The following FARP1 variants were observed in gnomAD, a reference collection of about 807,000 sequenced individuals.
FARP1 encodes the protein FERM, ARH/RhoGEF and pleckstrin domain protein 1.
In FARP1, 52 loss-of-function variants were observed where a neutral mutation model predicts 128.8. The observed-to-expected ratio is 0.40, with a 90% CI of 0.32 to 0.51. FARP1 has a LOEUF of 0.51. FARP1 is among the 20% of genes least tolerant of loss of function. FARP1 has a pLI of 0.45. For synonymous variants in FARP1, 580 were observed against 551.8 expected (o/e 1.05, Z -0.72); for missense variants, 1,333 against 1,367.9 (o/e 0.97, Z 0.40).
rs1377894373 is a variant in FARP1 at position 98,419,460 on chromosome 13, G to A, written c.1827-5112G>A. Among the ~76,000 whole-genome samples the A allele has an allele frequency of 6.8e-5, 10 of 146,270 alleles. No individual in the cohort carries two copies. In the East Asian group the frequency reaches 1.5e-3, roughly 21 times the overall value. ...CTGCACTCCAGCCTGGGTGACAGAC[G>A]AGACTCTGTCTCCAAAAAAAAATAC... On this transcript the variant is annotated intron_variant, in intron 16 of 26. Coordinates refer to ENST00000319562, the MANE Select transcript of FARP1 (RefSeq NM_005766.4).
At chr13:98,181,053 CTTT>C (rs113512344) in intron 1 of FARP1, among the ~76,000 whole-genome samples, 1 of 145,818 alleles carries the variant, frequency 6.9e-6, no homozygotes, top group African/African-American at 2.5e-5. Context: ...ATTTTTAAGT[CTTT>C]TTTTTTTTAA....
At chr13:98,286,524 T>G (rs142609302) in intron 2 of FARP1, among the ~76,000 whole-genome samples, 133 of 152,312 alleles carry the variant, frequency 8.7e-4, no homozygotes, top group African/African-American at 3.1e-3. Context: ...CTTCTCTCTC[T>G]TCTCTTGTCT....
intron 3 of FARP1, among the ~76,000 whole-genome samples, chr13:98,358,555 T>C (rs1343784300): frequency 5.9e-5 from 9 of 152,176 alleles, no homozygotes; most frequent in Non-Finnish European, 1.0e-4. Flanking sequence ...TATAACCAAA[T>C]GTAAAATTAA....
chr13:98,168,628 C>T (rs1473374187), intron 1 of FARP1, among the ~76,000 whole-genome samples: 1 of 152,230 alleles, frequency 6.6e-6, no homozygotes, highest in Non-Finnish European at 1.5e-5. Context: ...GGGATCTCCC[C>T]ATGACCCTGA....
chr13:98,370,303 G>A (rs997139972), intron 5 of FARP1, among the ~76,000 whole-genome samples: 3 of 152,170 alleles, frequency 2.0e-5, no homozygotes, highest in African/African-American at 7.2e-5. Flanking sequence ...TGGGAGCGTC[G>A]TGGTGAGGTG....
intron 13 of FARP1, chr13:98,399,062 G>A (rs1023376318): frequency 5.9e-5 from 9 of 152,178 alleles, no homozygotes; most frequent in Non-Finnish European, 1.5e-5. Context: ...GTTGCTCATA[G>A]AGTTTTTCCC....
chr13:98,453,776 CTG>C lies in FARP1; in HGVS notation c.*5460_*5461del. 6.6e-6 allele frequency: 1 copy of C among 152,082 alleles called. No homozygotes were observed. The highest frequency in any genetic ancestry group is 1.5e-5 in the Non-Finnish European group (1 of 68,076). 9.4% of individuals were successfully genotyped at this position (152,082 alleles called of 1,614,324 possible). ...GAATCAGTTAAGTAAATTATACAAA[CTG>C]AAATAACAGACTAAAAATGGTAATT... On this transcript the variant is annotated 3_prime_UTR_variant, in exon 27 of 27. Transcript: ENST00000319562.
chr13:98,159,229 A>G (rs1876700394), intron 1 of FARP1, among the ~76,000 whole-genome samples: 1 of 152,074 alleles, frequency 6.6e-6, no homozygotes, highest in Admixed American at 6.6e-5. Flanking sequence ...TGTTGCATAG[A>G]TTTTTACTTG....
chr13:98,299,006 T>A (rs1885814750), intron 2 of FARP1, among the ~76,000 whole-genome samples: 1 of 152,214 alleles, frequency 6.6e-6, no homozygotes, highest in South Asian at 2.1e-4. Flanking sequence ...AGATGCTATC[T>A]GGCGGGAGGG....
chr13:98,431,425 G>A (rs1368353568), intron 18 of FARP1, 145 bp downstream of exon 18: 3 of 560,160 alleles, frequency 5.4e-6, no homozygotes, highest in Non-Finnish European at 9.4e-6. Context: ...GTGGGCGCCG[G>A]TTTTTATTCC....
chr13:98,329,160 G>A (rs1217767150), intron 2 of FARP1: 2 of 152,224 alleles, frequency 1.3e-5, no homozygotes, highest in Non-Finnish European at 2.9e-5. Flanking sequence ...CTTCGCCTAG[G>A]TATTTCTTTT....
intron 24 of FARP1, among the ~76,000 whole-genome samples, chr13:98,441,632 G>C (rs1160267188): frequency 6.6e-6 from 1 of 152,222 alleles, no homozygotes; most frequent in African/African-American, 2.4e-5. Flanking sequence ...AGGTGGGCCA[G>C]GGAGTAAGTT....
chr13:98,146,558 G>A (rs1875580950), intron 1 of FARP1, among the ~76,000 whole-genome samples: 1 of 152,196 alleles, frequency 6.6e-6, no homozygotes, highest in Non-Finnish European at 1.5e-5. Context: ...ATGGTGGACT[G>A]GACATTTTAA....
intron 1 of FARP1, among the ~76,000 whole-genome samples, chr13:98,174,207 A>C (rs548067453): frequency 6.6e-6 from 1 of 152,382 alleles, no homozygotes; most frequent in South Asian, 2.1e-4. Flanking sequence ...TTAATTTTGC[A>C]AATGATTGAT....
intron 5 of FARP1, among the ~76,000 whole-genome samples, chr13:98,369,353 CT>C (rs35605642): frequency 0.43 from 59,799 of 138,872 alleles, 12,426 homozygotes; most frequent in East Asian, 0.62. Flanking sequence ...CAGCCTAATT[CT>C]TTTTTTTTTT....
chr13:98,449,005 G>C lies in FARP1; in HGVS notation c.*688G>C, dbSNP rs1179676755. On this transcript the variant is annotated 3_prime_UTR_variant, in exon 27 of 27. Coordinates refer to ENST00000319562, the MANE Select transcript of FARP1 (RefSeq NM_005766.4). ...AACTCTTTCCAACCGTAGCAGGGTT[G>C]TTTTCTGTTAAGCAAAGCCGAGATC... The C allele has an allele frequency of 1.3e-5, 2 of 152,198 alleles. No individual in the cohort carries two copies. Among genetic ancestry groups the C allele is most frequent in the African/African-American group, 4.8e-5 (2 of 41,432 alleles). 9.4% of individuals were successfully genotyped at this position (152,198 alleles called of 1,614,324 possible). A position where few individuals can be genotyped will look rare whatever the true frequency, so the allele number is the denominator to read the frequency against.
chr13:98,339,389 G>A (rs998358594), intron 2 of FARP1, among the ~76,000 whole-genome samples: 4 of 152,142 alleles, frequency 2.6e-5, no homozygotes, highest in Non-Finnish European at 4.4e-5. Flanking sequence ...CAGGAGAACA[G>A]CAAGGGGGAA....
chr13:98,392,663 C>T (rs1252646934), intron 11 of FARP1, among the ~76,000 whole-genome samples: 1 of 152,030 alleles, frequency 6.6e-6, no homozygotes, highest in African/African-American at 2.4e-5. Flanking sequence ...CACTGTATTT[C>T]TCTGATTGCC....
intron 13 of FARP1, chr13:98,398,197 C>A (rs950208610): frequency 6.6e-6 from 1 of 152,174 alleles, no homozygotes; most frequent in African/African-American, 2.4e-5. Context: ...ACACTTAATC[C>A]ATTTTTATAC....
Sources: gnomAD v4.1 joint callset for allele counts (sites outside exome capture counted in the v4.1 genomes callset) on GRCh38, gnomAD v4.1.1 for gene constraint, MANE v1.5 for transcripts, NCBI Gene and HGNC (gene_info 2026-07-23, HGNC 2026-07-21) for gene names.